The following TBCEL variants were observed in gnomAD, a reference collection of about 807,000 sequenced individuals.
TBCEL encodes tubulin-specific chaperone cofactor E-like protein.
TBCEL carries 15 observed loss-of-function variants against 44.2 expected under a neutral mutation model. That is an observed-to-expected ratio of 0.34 (90% CI 0.23 to 0.52). The LOEUF (loss-of-function observed/expected upper bound fraction) is 0.52. TBCEL is among the 20% of genes least tolerant of loss of function. The probability of loss-of-function intolerance (pLI) is 0.95; values close to 1 mark genes in which losing one functional copy is unlikely to be tolerated. For missense variants in TBCEL, 319 were observed against 506.3 expected (o/e 0.63, Z 3.55); for synonymous variants, 171 against 185.4 (o/e 0.92, Z 0.63).
chr11:121,025,254 G>T (rs1419343098), intron 1 of TBCEL, among the ~76,000 whole-genome samples: 4 of 152,128 alleles, frequency 2.6e-5, no homozygotes, highest in African/African-American at 7.2e-5. Context: ...CTTGTCCCTT[G>T]TTCATGTCAT....
chr11:121,079,906 C>G (rs1946094557), intron 8 of TBCEL, among the ~76,000 whole-genome samples: 4 of 152,114 alleles, frequency 2.6e-5, no homozygotes, highest in Admixed American at 2.6e-4. Flanking sequence ...CCTCCACCTC[C>G]CCGGTTCAAG....
rs1946247337 is a variant in TBCEL, at chr11:121,088,348, A to C, written c.*1252A>C. The C allele has an allele frequency of 6.6e-6, 1 of 152,212 alleles. No homozygotes were observed. The highest frequency in any genetic ancestry group is 6.5e-5 in the Admixed American group (1 of 15,276). The allele number at this position is 152,212 out of a possible 1,614,324, so 9.4% of individuals were successfully genotyped here. ...TAAAGTGTAAGTGTCAAAACTTTACAATTGCCTCCAAGTCATATTTTTTGC... is the reference window on the plus strand; with the variant it reads ...TAAAGTGTAAGTGTCAAAACTTTACCATTGCCTCCAAGTCATATTTTTTGC... On this transcript the variant is annotated 3_prime_UTR_variant, in exon 9 of 9. Coordinates refer to ENST00000683345, the MANE Select transcript of TBCEL (RefSeq NM_001363644.2).
At chr11:121,074,746 A>G (rs888448891) in intron 8 of TBCEL, among the ~76,000 whole-genome samples, 1 of 151,646 alleles carries the variant, frequency 6.6e-6, no homozygotes, top group Non-Finnish European at 1.5e-5. Flanking sequence ...CCTGACTCCT[A>G]CCCTCTGGCC....
chr11:121,042,317 G>A (rs1175092192), intron 2 of TBCEL, among the ~76,000 whole-genome samples: 2 of 152,006 alleles, frequency 1.3e-5, no homozygotes. Context: ...AGGTTTTTTT[G>A]GTAATAGCTA....
rs1264320793 is a variant in TBCEL at position 121,047,532 on chromosome 11, C to T, written c.138C>T (p.Arg46=). ...ATPQGSPMKD[R]LNLPSVLVLN... is the part of the protein sequence containing the mutation. The stretch of plus-strand genomic sequence containing the variant: ...TTTGTGTCTCTCATCATTCAGATCG[C>T]CTCAACCTCCCAAGTGTACTAGTGT... Residue 46 remains arginine (R), a synonymous_variant, in exon 4 of 9, where the codon CGC becomes CGT. Transcript: ENST00000683345. 1 of 1,612,022 alleles carries T rather than the reference C, an allele frequency of 6.2e-7. No homozygotes were observed. The highest frequency in any genetic ancestry group is 8.5e-7 in the Non-Finnish European group (1 of 1,178,772).
chr11:121,049,100 T>A (rs1033344023), intron 4 of TBCEL, among the ~76,000 whole-genome samples: 21 of 151,916 alleles, frequency 1.4e-4, no homozygotes, highest in African/African-American at 4.3e-4. Flanking sequence ...ATCTTTTTTT[T>A]ATCATAAGCC....
rs11603145 is a variant in TBCEL, at chr11:121,043,228, C to T, written c.-17-2446C>T. Among the ~76,000 whole-genome samples, 791 of 152,088 alleles carry T rather than the reference C, an allele frequency of 5.2e-3. 5 individuals are homozygous for T. Among genetic ancestry groups the T allele is most frequent in the African/African-American group, 0.017 (724 of 41,498 alleles). On this transcript the variant is annotated intron_variant, in intron 2 of 8. Coordinates refer to ENST00000683345, the MANE Select transcript of TBCEL (RefSeq NM_001363644.2). ...TTCTTCTCAGCACCTGAGAGGCTAG[C>T]GATTTTAATACTCGGCAACGTTTAT...
intron 5 of TBCEL, 98 bp downstream of exon 5, chr11:121,053,830 C>G: frequency 7.7e-7 from 1 of 1,291,154 alleles, no homozygotes. Context: ...ACTAGAACTG[C>G]AGATTGAGTG....
At chr11:121,070,847 AAGGC>A (rs1256428475) in intron 8 of TBCEL, among the ~76,000 whole-genome samples, 6 of 151,726 alleles carry the variant, frequency 4.0e-5, no homozygotes, top group African/African-American at 1.5e-4. Context: ...AAAAAAAAAA[AAGGC>A]AGCAGCTGAG....
intron 8 of TBCEL, among the ~76,000 whole-genome samples, chr11:121,068,348 C>G (rs1308352426): frequency 6.6e-6 from 1 of 151,746 alleles, no homozygotes; most frequent in East Asian, 1.9e-4. Flanking sequence ...TGGAGTCATT[C>G]TTGATTTTTT....
intron 1 of TBCEL, among the ~76,000 whole-genome samples, chr11:121,029,942 C>T (rs1945114520): frequency 6.6e-6 from 1 of 152,196 alleles, no homozygotes; most frequent in African/African-American, 2.4e-5. Context: ...CAAATCCCTG[C>T]TTGTGTGGGA....
In TBCEL at chr11:121,057,750, A is replaced by G. The variant is rs1945647416; in HGVS notation, c.713-595A>G. On this transcript the variant is annotated intron_variant, in intron 6 of 8. Transcript: ENST00000683345. ...ATAAAGTATGCAGGAGGGTTTGTGT[A>G]AGTTATATGCAAATGCTATACTGTT... The G allele has an allele frequency of 1.4e-5, 5 of 368,202 alleles. 1 individual carries two copies. The highest frequency in any genetic ancestry group is 8.8e-5 in the South Asian group (4 of 45,466). 22.8% of individuals were successfully genotyped at this position (368,202 alleles called of 1,614,324 possible).
At chr11:121,031,328 T>G (rs1945139644) in intron 1 of TBCEL, among the ~76,000 whole-genome samples, 2 of 151,440 alleles carry the variant, frequency 1.3e-5, no homozygotes, top group Admixed American at 1.3e-4. Context: ...GTTTCTGTTC[T>G]TCTGCATTTT....
intron 2 of TBCEL, among the ~76,000 whole-genome samples, chr11:121,037,644 A>G (rs1945256033): frequency 6.6e-6 from 1 of 152,208 alleles, no homozygotes; most frequent in Non-Finnish European, 1.5e-5. Context: ...TTTTTCATGG[A>G]CTATTTAGCA....
At chr11:121,063,399 A>G (rs1945761586) in intron 8 of TBCEL, among the ~76,000 whole-genome samples, 1 of 152,314 alleles carries the variant, frequency 6.6e-6, no homozygotes, top group Admixed American at 6.5e-5. Flanking sequence ...GCACAAATGA[A>G]AATACATTTC....
chr11:121,067,209 C>T (rs1209954021), intron 8 of TBCEL, among the ~76,000 whole-genome samples: 3 of 152,206 alleles, frequency 2.0e-5, no homozygotes, highest in African/African-American at 7.2e-5. Context: ...GGATTATTTA[C>T]ACACATCTGT....
chr11:121,037,792 A>T (rs990139923), intron 2 of TBCEL, among the ~76,000 whole-genome samples: 1 of 152,082 alleles, frequency 6.6e-6, no homozygotes, highest in East Asian at 1.9e-4. Context: ...ATCTAAACCA[A>T]AGTCTCCTGG....
At chr11:121,035,661 A>G (rs1289431207) in intron 1 of TBCEL, 1 of 152,134 alleles carries the variant, frequency 6.6e-6, no homozygotes, top group Non-Finnish European at 1.5e-5. Flanking sequence ...GTAGCTGCTC[A>G]AGAGCACAGA....
chr11:121,068,780 T>A (rs1399815908), intron 8 of TBCEL, among the ~76,000 whole-genome samples: 5 of 150,620 alleles, frequency 3.3e-5, no homozygotes, highest in African/African-American at 1.2e-4. Context: ...CCAGCTACTC[T>A]GGAGGCTGAG....
Sources: allele counts gnomAD v4.1 joint callset (sites outside exome capture counted in the v4.1 genomes callset), GRCh38; gene constraint gnomAD v4.1.1; transcripts MANE v1.5; gene names NCBI Gene and HGNC (gene_info 2026-07-23, HGNC 2026-07-21).